KAZN: variants seen among roughly 807,000 people sequenced by gnomAD.
KAZN encodes the protein kazrin, periplakin interacting protein.
Under a neutral mutation model 87.4 loss-of-function variants are expected in KAZN, and 40 were observed. That is an observed-to-expected ratio of 0.46 (90% CI 0.36 to 0.60). The LOEUF (loss-of-function observed/expected upper bound fraction) is 0.60. Among genes scored for constraint, KAZN ranks in the 20% least tolerant of loss-of-function variants. KAZN has a pLI of 0.00. For missense variants in KAZN, 898 were observed against 1,073.9 expected, an observed-to-expected ratio of 0.84 and a Z score of 2.29; for synonymous variants, 466 against 458.3, an observed-to-expected ratio of 1.02 and a Z score of -0.22.
At chr1:14,306,644 A>G (rs933701270) in intron 2 of KAZN, among the ~76,000 whole-genome samples, 1 of 152,182 alleles carries the variant, frequency 6.6e-6, no homozygotes, top group Admixed American at 6.5e-5. Flanking sequence ...GATGTGAACC[A>G]GGCCCCAACC....
intron 2 of KAZN, among the ~76,000 whole-genome samples, chr1:14,235,530 AT>A (rs1648333696): frequency 6.6e-6 from 1 of 152,302 alleles, no homozygotes; most frequent in East Asian, 1.9e-4. Context: ...CTAAAATGGG[AT>A]AGTGCTGATG....
At chr1:14,638,988 T>G (rs889423948) in intron 1 of KAZN, among the ~76,000 whole-genome samples, 1 of 152,184 alleles carries the variant, frequency 6.6e-6, no homozygotes, top group Admixed American at 6.5e-5. Flanking sequence ...CCTTCCTCAG[T>G]TTACCTCTCT....
chr1:14,164,998 A>G (rs1431984314), intron 1 of KAZN, among the ~76,000 whole-genome samples: 2 of 152,210 alleles, frequency 1.3e-5, no homozygotes, highest in Non-Finnish European at 1.5e-5. Context: ...CTATGAGGCA[A>G]TTCAATTGAA....
chr1:15,058,640 G>A (rs1216339729), intron 5 of KAZN, among the ~76,000 whole-genome samples: 1 of 152,112 alleles, frequency 6.6e-6, no homozygotes, highest in African/African-American at 2.4e-5. Context: ...ATGAGCTCTG[G>A]GATTCGACAG....
intron 1 of KAZN, among the ~76,000 whole-genome samples, chr1:14,045,668 T>C (rs10754907): frequency 0.55 from 84,189 of 151,980 alleles, 23,630 homozygotes; most frequent in East Asian, 0.7. Context: ...TTAGAGACTT[T>C]GTTACTTCCT....
At chr1:15,011,285 G>A (rs1159387874) in intron 2 of KAZN, among the ~76,000 whole-genome samples, 1 of 152,194 alleles carries the variant, frequency 6.6e-6, no homozygotes, top group African/African-American at 2.4e-5. Context: ...GTGATCATAT[G>A]CTCTTGTTAT....
intron 1 of KAZN, among the ~76,000 whole-genome samples, chr1:14,860,608 G>A (rs1015379483): frequency 2.6e-5 from 4 of 152,188 alleles, no homozygotes; most frequent in African/African-American, 9.7e-5. Context: ...CCAGTCTGTA[G>A]TCAACTTCTG....
chr1:14,162,857 T>C (rs1645740211), intron 1 of KAZN, among the ~76,000 whole-genome samples: 1 of 152,246 alleles, frequency 6.6e-6, no homozygotes, highest in Non-Finnish European at 1.5e-5. Flanking sequence ...TTTATCTTTA[T>C]ACAGTGTTTT....
intron 1 of KAZN, among the ~76,000 whole-genome samples, chr1:14,956,704 G>C (rs561753045): frequency 1.3e-5 from 2 of 152,248 alleles, no homozygotes; most frequent in African/African-American, 4.8e-5. Flanking sequence ...TTGTGAAATA[G>C]ACTCTTAGTG....
intron 2 of KAZN, among the ~76,000 whole-genome samples, chr1:14,524,890 A>G (rs1220747270): frequency 6.6e-6 from 1 of 152,240 alleles, no homozygotes; most frequent in Non-Finnish European, 1.5e-5. Flanking sequence ...ATCATCTACC[A>G]TAAAGAAAAA....
intron 1 of KAZN, among the ~76,000 whole-genome samples, chr1:14,706,440 A>G (rs769981573): frequency 3.3e-5 from 5 of 151,980 alleles, no homozygotes; most frequent in African/African-American, 9.7e-5. Flanking sequence ...GTTTACAATA[A>G]TATATTATAC....
At chr1:15,009,809 C>A (rs1238324460) in intron 2 of KAZN, among the ~76,000 whole-genome samples, 2 of 152,214 alleles carry the variant, frequency 1.3e-5, no homozygotes, top group Non-Finnish European at 2.9e-5. Flanking sequence ...CCCAAACATT[C>A]ATCAACCCAT....
intron 1 of KAZN, among the ~76,000 whole-genome samples, chr1:14,813,844 A>G (rs940040679): frequency 1.3e-5 from 2 of 152,222 alleles, no homozygotes; most frequent in Non-Finnish European, 2.9e-5. Flanking sequence ...CGTGTTGAGA[A>G]TTAAACAAGA....
intron 1 of KAZN, among the ~76,000 whole-genome samples, chr1:14,850,644 C>A (rs1298153353): frequency 6.6e-6 from 1 of 152,140 alleles, no homozygotes; most frequent in African/African-American, 2.4e-5. Context: ...AGGACGGGGC[C>A]ACATCTTTTT....
intron 8 of KAZN, among the ~76,000 whole-genome samples, chr1:15,090,559 G>T (rs573310345): frequency 6.6e-6 from 1 of 152,228 alleles, no homozygotes; most frequent in Non-Finnish European, 1.5e-5. Flanking sequence ...GGGCCCTGGC[G>T]GGGCTGCAGA....
At chr1:14,714,365 CT>C (rs1256082675) in intron 1 of KAZN, among the ~76,000 whole-genome samples, 1 of 152,108 alleles carries the variant, frequency 6.6e-6, no homozygotes, top group Non-Finnish European at 1.5e-5. Flanking sequence ...GAATTTCTCA[CT>C]GGCTGTGTTG....
intron 1 of KAZN, among the ~76,000 whole-genome samples, chr1:13,942,047 G>A (rs78100545): frequency 0.14 from 21,078 of 152,058 alleles, 1,545 homozygotes; most frequent in Middle Eastern, 0.22. Flanking sequence ...TGAAATTAAG[G>A]TCTGCTAAGG....
At chr1:14,537,247 C>A (rs1033009225) in intron 2 of KAZN, among the ~76,000 whole-genome samples, 1 of 152,122 alleles carries the variant, frequency 6.6e-6, no homozygotes, top group Non-Finnish European at 1.5e-5. Flanking sequence ...CCTTCAGGAC[C>A]CTGCTGAACC....
chr1:14,801,869 A>G (rs960353173), intron 1 of KAZN, among the ~76,000 whole-genome samples: 5 of 151,490 alleles, frequency 3.3e-5, no homozygotes, highest in African/African-American at 7.3e-5. Context: ...TATTTTTAGT[A>G]CAGACGGGGT....
Sources: allele counts gnomAD v4.1 joint callset (sites outside exome capture counted in the v4.1 genomes callset), GRCh38; gene constraint gnomAD v4.1.1; transcripts MANE v1.5; gene names NCBI Gene and HGNC (gene_info 2026-07-23, HGNC 2026-07-21).